The following ZMAT4 variants were observed in gnomAD, a reference collection of about 807,000 sequenced individuals.
The protein encoded by ZMAT4 is zinc finger matrin-type protein 4.
In ZMAT4, 17 loss-of-function variants were observed where a neutral mutation model predicts 28.7. The ratio of observed to expected loss-of-function variants is 0.59; its 90% CI spans 0.41 to 0.89. The LOEUF is 0.89. ZMAT4 is among the 40% of genes least tolerant of loss of function. ZMAT4 has a pLI of 0.00. For synonymous variants in ZMAT4, 117 were observed against 109.2 expected (o/e 1.07, Z -0.44); for missense variants, 240 against 283.8 (o/e 0.85, Z 1.11).
At chr8:40,644,417 C>G (rs1208355729) in intron 5 of ZMAT4, among the ~76,000 whole-genome samples, 3 of 152,074 alleles carry the variant, frequency 2.0e-5, no homozygotes, top group Admixed American at 6.5e-5. Context: ...CCCACACACA[C>G]AGTGATTTGA....
intron 5 of ZMAT4, among the ~76,000 whole-genome samples, chr8:40,617,874 T>C (rs904678624): frequency 1.1e-4 from 16 of 152,256 alleles, no homozygotes; most frequent in Non-Finnish European, 4.4e-5. Context: ...CCAAGATACA[T>C]GCAATGTTTT....
chr8:40,887,333 A>G lies in ZMAT4; in HGVS notation c.-5+10350T>C, dbSNP rs532390691. Among the ~76,000 whole-genome samples, 13 of 151,316 alleles carry G rather than the reference A, an allele frequency of 8.6e-5. No individual in the cohort carries two copies. The South Asian group carries it at 2.5e-3, about 29-fold the overall frequency. On this transcript the variant is annotated intron_variant, in intron 1 of 6. Coordinates refer to ENST00000297737, the MANE Select transcript of ZMAT4 (RefSeq NM_024645.3). ...GTGAAACCCCATCTCTACTAAAAATACAAAAATTAGCCAGGCATCATGGTG... is the reference window on the plus strand; with the variant it reads ...GTGAAACCCCATCTCTACTAAAAATGCAAAAATTAGCCAGGCATCATGGTG...
At chr8:40,760,437 C>T (rs1812876269) in intron 3 of ZMAT4, among the ~76,000 whole-genome samples, 1 of 152,218 alleles carries the variant, frequency 6.6e-6, no homozygotes, top group Non-Finnish European at 1.5e-5. Context: ...CTCCATCCCT[C>T]CCCAAACATA....
chr8:40,656,501 C>T (rs1432980315), intron 5 of ZMAT4, among the ~76,000 whole-genome samples: 2 of 152,010 alleles, frequency 1.3e-5, no homozygotes, highest in African/African-American at 4.8e-5. Context: ...ATGAATGTAC[C>T]TAGCAGTATT....
At chr8:40,836,230 T>G (rs1816484684) in intron 1 of ZMAT4, among the ~76,000 whole-genome samples, 1 of 152,206 alleles carries the variant, frequency 6.6e-6, no homozygotes, top group African/African-American at 2.4e-5. Context: ...GTATGTGTAT[T>G]AGGATCATCA....
chr8:40,627,864 G>C (rs1218261466), intron 5 of ZMAT4, among the ~76,000 whole-genome samples: 1 of 152,144 alleles, frequency 6.6e-6, no homozygotes, highest in East Asian at 1.9e-4. Flanking sequence ...GGAAAGATAA[G>C]TCCATAGCTG....
intron 6 of ZMAT4, among the ~76,000 whole-genome samples, chr8:40,572,104 G>A (rs560691763): frequency 3.9e-5 from 6 of 152,152 alleles, no homozygotes; most frequent in South Asian, 2.1e-4. Flanking sequence ...AATATAGAAG[G>A]TTCTTTGTGG....
At chr8:40,880,937 A>T (rs1021049615) in intron 1 of ZMAT4, among the ~76,000 whole-genome samples, 1 of 152,080 alleles carries the variant, frequency 6.6e-6, no homozygotes, top group African/African-American at 2.4e-5. Flanking sequence ...GCTCAGCCCA[A>T]CCCAAACAAC....
chr8:40,577,801 A>C (rs1804318717), intron 6 of ZMAT4, among the ~76,000 whole-genome samples: 1 of 151,798 alleles, frequency 6.6e-6, no homozygotes, highest in African/African-American at 2.4e-5. Flanking sequence ...TTAATTTAGT[A>C]ATTAATTTTA....
intron 5 of ZMAT4, among the ~76,000 whole-genome samples, chr8:40,602,276 T>C (rs1323434877): frequency 1.3e-5 from 2 of 152,244 alleles, no homozygotes; most frequent in Admixed American, 6.5e-5. Context: ...TGATAGGCAC[T>C]TGGGCTGGTT....
chr8:40,601,630 GAA>G (rs1317407304), intron 5 of ZMAT4, among the ~76,000 whole-genome samples: 6 of 25,938 alleles, frequency 2.3e-4, no homozygotes, highest in Non-Finnish European at 4.4e-4. Flanking sequence ...AAGAAAGAAA[GAA>G]AGAGAAAGAA....
At chr8:40,582,674 G>T (rs2118549761) in intron 5 of ZMAT4, among the ~76,000 whole-genome samples, 1 of 152,324 alleles carries the variant, frequency 6.6e-6, no homozygotes, top group South Asian at 2.1e-4. Flanking sequence ...TGCTGGGATA[G>T]CTTTGCAACT....
At chr8:40,750,209 T>A (rs534482702) in intron 3 of ZMAT4, among the ~76,000 whole-genome samples, 212 of 151,690 alleles carry the variant, frequency 1.4e-3, no homozygotes, top group African/African-American at 4.3e-3. Context: ...AAAGAAAAAA[T>A]ATATATATAT....
chr8:40,575,013 C>T (rs965627150), intron 6 of ZMAT4, among the ~76,000 whole-genome samples: 1 of 152,158 alleles, frequency 6.6e-6, no homozygotes, highest in Non-Finnish European at 1.5e-5. Context: ...TTCTGGGGAG[C>T]TGATAGCCAC....
chr8:40,540,226 T>C (rs1432420729), intron 6 of ZMAT4, among the ~76,000 whole-genome samples: 3 of 152,164 alleles, frequency 2.0e-5, no homozygotes, highest in Non-Finnish European at 2.9e-5. Context: ...ACAAGGAGCC[T>C]GGCCCCTCCT....
intron 5 of ZMAT4, among the ~76,000 whole-genome samples, chr8:40,667,701 T>C (rs1808480698): frequency 6.6e-6 from 1 of 152,088 alleles, no homozygotes; most frequent in Non-Finnish European, 1.5e-5. Flanking sequence ...ATGCTGGAAG[T>C]GCTCTTAAGA....
chr8:40,572,463 T>C (rs1804129021), intron 6 of ZMAT4, among the ~76,000 whole-genome samples: 1 of 152,184 alleles, frequency 6.6e-6, no homozygotes, highest in African/African-American at 2.4e-5. Context: ...TATCTCATTT[T>C]CAACCAACTG....
chr8:40,551,998 C>G (rs1251495418), intron 6 of ZMAT4, among the ~76,000 whole-genome samples: 1 of 152,140 alleles, frequency 6.6e-6, no homozygotes, highest in East Asian at 1.9e-4. Context: ...AGAACTGTGT[C>G]TGACACAAAA....
intron 1 of ZMAT4, 86 bp from the exon 2 acceptor site, chr8:40,825,766 C>T (rs1161240984): frequency 3.7e-6 from 4 of 1,073,486 alleles, no homozygotes; most frequent in East Asian, 5.3e-5. Context: ...GCCAGGATCA[C>T]AGTAACAGGT....
Sources: allele counts gnomAD v4.1 joint callset (sites outside exome capture counted in the v4.1 genomes callset), GRCh38; gene constraint gnomAD v4.1.1; transcripts MANE v1.5; gene names NCBI Gene and HGNC (gene_info 2026-07-23, HGNC 2026-07-21).